Variants in RAP1GAP observed in about 807,000 individuals in gnomAD.
RAP1GAP encodes the protein rap1 GTPase-activating protein 1.
Under a neutral mutation model 87.2 loss-of-function variants are expected in RAP1GAP, and 35 were observed. The observed-to-expected ratio is 0.40, with a 90% CI of 0.31 to 0.53. The LOEUF is 0.53. Among genes scored for constraint, RAP1GAP ranks in the 20% least tolerant of loss-of-function variants. RAP1GAP has a pLI of 0.48. For missense variants in RAP1GAP, 734 were observed against 898.9 expected (o/e 0.82, Z 2.35); for synonymous variants, 375 against 363.9 (o/e 1.03, Z -0.35).
chr1:21,608,127 G>C, intron 17 of RAP1GAP, 86 bp downstream of exon 17: 1 of 1,511,992 alleles, frequency 6.6e-7, no homozygotes, highest in Non-Finnish European at 8.9e-7. Context: ...CCCCCACGCC[G>C]TGTCCATCAG....
At chr1:21,629,467 G>T (rs1329232932) in intron 2 of RAP1GAP, among the ~76,000 whole-genome samples, 1 of 152,190 alleles carries the variant, frequency 6.6e-6, no homozygotes, top group African/African-American at 2.4e-5. Context: ...AGGCCAGGGT[G>T]CTCTGGCTTG....
At chr1:21,639,956 C>T (rs1017020803) in intron 2 of RAP1GAP, among the ~76,000 whole-genome samples, 1 of 152,194 alleles carries the variant, frequency 6.6e-6, no homozygotes, top group African/African-American at 2.4e-5. Flanking sequence ...ACACCACCCA[C>T]CTGCCTAGAA....
rs1050904931 is a variant in RAP1GAP, at chr1:21,634,356, G to A, written c.-112-7959C>T. 6.6e-6 allele frequency among the ~76,000 whole-genome samples: 1 copy of A among 152,144 alleles called. No individual in the cohort carries two copies. The highest frequency in any genetic ancestry group is 1.5e-5 in the Non-Finnish European group (1 of 68,006). On this transcript the variant is annotated intron_variant, in intron 2 of 24. Coordinates refer to ENST00000374765, the MANE Select transcript of RAP1GAP (RefSeq NM_002885.4). This position sits in a 1 kb window ranked among gnomAD's most constrained non-coding sequence, Gnocchi z 4.1. ...GCGATGGGGTAGAGGAGCGGCAGGG[G>A]GACTATTTGCCATGCGGGCACTGTG...
intron 1 of RAP1GAP, among the ~76,000 whole-genome samples, chr1:21,667,341 CCTT>C (rs147944375): frequency 1.3e-5 from 2 of 152,334 alleles, no homozygotes; most frequent in East Asian, 3.9e-4. Context: ...AAGGAAGAAT[CCTT>C]CTTGTCTCCT....
At chr1:21,657,549 G>A (rs2096914327) in intron 1 of RAP1GAP, among the ~76,000 whole-genome samples, 1 of 152,214 alleles carries the variant, frequency 6.6e-6, no homozygotes, top group African/African-American at 2.4e-5. Flanking sequence ...CAGGATTGCA[G>A]AGTGGAGGCC....
chr1:21,613,814 A>G lies in RAP1GAP; in HGVS notation c.396-108T>C. 8.0e-7 allele frequency: 1 copy of G among 1,247,166 alleles called. No homozygotes were observed. The highest frequency in any genetic ancestry group is 1.9e-4 in the Middle Eastern group (1 of 5,318). 77.3% of individuals were successfully genotyped at this position (1,247,166 alleles called of 1,614,324 possible). ...AAGGGGGTGGACCACAGCGAGGACC[A>G]GAGGTGATGATGGGTGTCAGGCTGA... On this transcript the variant is annotated intron_variant, in intron 8 of 24. Transcript: ENST00000374765. The surrounding 1 kb of genome is among the most constrained non-coding windows in gnomAD (Gnocchi z 4.7).
intron 20 of RAP1GAP, among the ~76,000 whole-genome samples, chr1:21,599,946 G>C (rs2066805731): frequency 6.6e-6 from 1 of 152,172 alleles, no homozygotes; most frequent in Non-Finnish European, 1.5e-5. Flanking sequence ...ACATCATCGG[G>C]TGCACGTTCA....
At chr1:21,661,206 C>T (rs921590556) in intron 1 of RAP1GAP, among the ~76,000 whole-genome samples, 4 of 150,598 alleles carry the variant, frequency 2.7e-5, no homozygotes, top group Admixed American at 1.3e-4. Flanking sequence ...GAGCTGAGAT[C>T]GCACCACTGC....
chr1:21,601,242 C>T (rs1439417161), intron 20 of RAP1GAP, among the ~76,000 whole-genome samples: 3 of 152,090 alleles, frequency 2.0e-5, no homozygotes, highest in South Asian at 2.1e-4. Context: ...CTGCACTGGC[C>T]GAGCTCCTCT....
chr1:21,612,218 G>A (rs1313683372), intron 10 of RAP1GAP, 109 bp from the exon 11 acceptor site: 7 of 833,410 alleles, frequency 8.4e-6, no homozygotes, highest in South Asian at 1.5e-5. Flanking sequence ...GTCACGTCAT[G>A]TGATTCTCAG....
chr1:21,648,370 C>A (rs1451706628), intron 2 of RAP1GAP, among the ~76,000 whole-genome samples: 1 of 152,222 alleles, frequency 6.6e-6, no homozygotes, highest in Non-Finnish European at 1.5e-5. Context: ...CTCCCTGTGG[C>A]CTGGTGGCCC....
At chr1:21,633,391 C>A (rs933426779) in intron 2 of RAP1GAP, among the ~76,000 whole-genome samples, 3 of 152,220 alleles carry the variant, frequency 2.0e-5, no homozygotes, top group African/African-American at 7.2e-5. Flanking sequence ...CAGGCACCCC[C>A]CCTCTGCTGG....
intron 2 of RAP1GAP, among the ~76,000 whole-genome samples, chr1:21,633,213 G>A (rs1022705731): frequency 9.9e-5 from 15 of 152,128 alleles, no homozygotes; most frequent in East Asian, 1.9e-4. Context: ...TTGGCCCCCC[G>A]GAGATAGCTG....
chr1:21,620,712 G>A (rs895935474), intron 3 of RAP1GAP, among the ~76,000 whole-genome samples: 3 of 152,166 alleles, frequency 2.0e-5, no homozygotes, highest in East Asian at 3.9e-4. Flanking sequence ...CATCCCTGCC[G>A]GCTGGCCCGG....
intron 1 of RAP1GAP, among the ~76,000 whole-genome samples, chr1:21,662,559 G>C (rs192161900): frequency 6.6e-6 from 1 of 152,106 alleles, no homozygotes; most frequent in Non-Finnish European, 1.5e-5. Context: ...CCCAGGGATA[G>C]GCCATGGGGA....
chr1:21,656,911 C>T (rs1420288539), intron 1 of RAP1GAP, among the ~76,000 whole-genome samples: 4 of 152,192 alleles, frequency 2.6e-5, no homozygotes, highest in Admixed American at 1.3e-4. Context: ...CCCAGGTGTA[C>T]GGTCTTTCAT....
intron 13 of RAP1GAP, among the ~76,000 whole-genome samples, 182 bp from the exon 14 acceptor site, chr1:21,610,457 T>A (rs2077528319): frequency 6.6e-6 from 1 of 152,124 alleles, no homozygotes. Context: ...AATGGCCTGT[T>A]TGGAACAACG....
Position 21,609,544 on chromosome 1 carries a change from C to T in RAP1GAP, c.1071+31G>A, listed in dbSNP as rs749253152. The T allele has an allele frequency of 1.5e-5, 21 of 1,371,064 alleles. No individual in the cohort carries two copies. The highest frequency in any genetic ancestry group is 1.8e-5 in the Non-Finnish European group (18 of 1,009,592). 84.9% of individuals were successfully genotyped at this position (1,371,064 alleles called of 1,614,324 possible). A position where few individuals can be genotyped will look rare whatever the true frequency, so the allele number is the denominator to read the frequency against. On this transcript the variant is annotated intron_variant, in intron 15 of 24. Coordinates refer to ENST00000374765, the MANE Select transcript of RAP1GAP (RefSeq NM_002885.4). The surrounding 1 kb of genome is among the most constrained non-coding windows in gnomAD (Gnocchi z 4.4). ...CCCAGGCCCCCACCCATTTGTCCTG[C>T]TCTGCCCATGACTGGGGGGGTGCCC...
At chr1:21,655,356 T>C (rs1336090113) in intron 1 of RAP1GAP, among the ~76,000 whole-genome samples, 1 of 152,180 alleles carries the variant, frequency 6.6e-6, no homozygotes, top group Non-Finnish European at 1.5e-5. Context: ...AAGATCTGTG[T>C]GTGGGCATGT....
Sources: allele counts gnomAD v4.1 joint callset (sites outside exome capture counted in the v4.1 genomes callset), GRCh38; gene constraint gnomAD v4.1.1; non-coding constraint Gnocchi (gnomAD v3.1); transcripts MANE v1.5; gene names NCBI Gene and HGNC (gene_info 2026-07-23, HGNC 2026-07-21).